Variants in JMJD1C observed in about 807,000 individuals in gnomAD.
JMJD1C encodes jumonji domain containing 1C.
JMJD1C carries 31 observed loss-of-function variants against 245.3 expected under a neutral mutation model. The observed-to-expected ratio is 0.13, with a 90% CI of 0.09 to 0.17. The LOEUF (loss-of-function observed/expected upper bound fraction) is 0.17. Among genes scored for constraint, JMJD1C ranks in the 10% least tolerant of loss-of-function variants. JMJD1C has a pLI of 1.00. For synonymous variants in JMJD1C, 1,057 were observed against 1,017.4 expected, an observed-to-expected ratio of 1.04 and a Z score of -0.74; for missense variants, 2,691 against 3,000.2, an observed-to-expected ratio of 0.90 and a Z score of 2.41.
At chr10:63,399,351 C>A (rs771618622) in intron 1 of JMJD1C, among the ~76,000 whole-genome samples, 2 of 152,074 alleles carry the variant, frequency 1.3e-5, no homozygotes, top group African/African-American at 2.4e-5. Flanking sequence ...TCCAAGGAAC[C>A]CTGGTACTTT....
At chr10:63,335,169 G>A (rs918967624) in intron 2 of JMJD1C, among the ~76,000 whole-genome samples, 1 of 152,012 alleles carries the variant, frequency 6.6e-6, no homozygotes, top group African/African-American at 2.4e-5. Context: ...TCTGAATGTT[G>A]CTATCAGAGA....
At chr10:63,305,293 G>A (rs924664280) in intron 2 of JMJD1C, among the ~76,000 whole-genome samples, 4 of 150,958 alleles carry the variant, frequency 2.6e-5, no homozygotes, top group South Asian at 2.1e-4. Context: ...GCTTGAACCC[G>A]GAAGGCAGAG....
At chr10:63,301,640 C>T (rs1860089306) in intron 2 of JMJD1C, 1 of 336,898 alleles carries the variant, frequency 3.0e-6, no homozygotes, top group Admixed American at 4.0e-5. Context: ...AAGGAAACAT[C>T]ACAGACCAGG....
chr10:63,238,006 TAAAAAAAAAAAAA>T lies in JMJD1C; in HGVS notation c.448-18036_448-18024del, dbSNP rs35736445. ...CAACACAGTGAAACCCCGTCTCTAC[TAAAAAAAAAAAAA>T]AAAAAAAAAAAAAAAGCCGGGTATG... On this transcript the variant is annotated intron_variant, in intron 3 of 25. Coordinates refer to ENST00000399262, the MANE Select transcript of JMJD1C (RefSeq NM_032776.3). Among the ~76,000 whole-genome samples, 5 of 27,602 alleles carry T rather than the reference TAAAAAAAAAAAAA, an allele frequency of 1.8e-4. No individual in the cohort carries two copies. The East Asian group carries it at 5.2e-3, about 29-fold the overall frequency. The allele number at this position is 27,602 out of a possible 152,430, so 18.1% of individuals were successfully genotyped here.
chr10:63,307,060 C>T (rs1938351511), intron 2 of JMJD1C, among the ~76,000 whole-genome samples: 1 of 152,090 alleles, frequency 6.6e-6, no homozygotes, highest in Non-Finnish European at 1.5e-5. Flanking sequence ...ACTTCTTAAA[C>T]ATTTATCTCA....
intron 1 of JMJD1C, among the ~76,000 whole-genome samples, chr10:63,510,320 C>A (rs1165269654): frequency 6.6e-6 from 1 of 152,070 alleles, no homozygotes; most frequent in Non-Finnish European, 1.5e-5. Context: ...GATCTTTCAT[C>A]TTTTCTAATA....
Position 63,178,311 on chromosome 10 carries a change from A to T in JMJD1C, c.7085-455T>A, listed in dbSNP as rs184497082. 3.9e-3 allele frequency among the ~76,000 whole-genome samples: 601 copies of T among 152,322 alleles called. 1 individual carries two copies. Among genetic ancestry groups the T allele is most frequent in the African/African-American group, 0.011 (454 of 41,554 alleles). On this transcript the variant is annotated intron_variant, in intron 22 of 25. Coordinates refer to ENST00000399262, the MANE Select transcript of JMJD1C (RefSeq NM_032776.3). ...AACTTTTAGGACTACAAGAATAGAT[A>T]AGTGGATACAAAGCAATAGTGATTT...
intron 2 of JMJD1C, among the ~76,000 whole-genome samples, chr10:63,265,431 T>C (rs1564706748): frequency 6.6e-6 from 1 of 152,128 alleles, no homozygotes; most frequent in Non-Finnish European, 1.5e-5. Context: ...TCCAAGGTCA[T>C]TTGATTCCTT....
upstream of JMJD1C, among the ~76,000 whole-genome samples, chr10:63,467,803 GA>G (rs1411694984): frequency 6.6e-6 from 1 of 152,210 alleles, no homozygotes; most frequent in Non-Finnish European, 1.5e-5. Context: ...AGTCATCAAT[GA>G]TCTGCTTTGT....
intron 2 of JMJD1C, among the ~76,000 whole-genome samples, chr10:63,323,636 C>A (rs1304319503): frequency 6.6e-6 from 1 of 152,096 alleles, no homozygotes; most frequent in Non-Finnish European, 1.5e-5. Flanking sequence ...AGGCCAGGTA[C>A]ATAAAACTAA....
At chr10:63,517,848 A>G (rs1955071173) in intron 1 of JMJD1C, among the ~76,000 whole-genome samples, 2 of 133,622 alleles carry the variant, frequency 1.5e-5, no homozygotes, top group Non-Finnish European at 3.1e-5. Flanking sequence ...GCTGGAGTGC[A>G]GTGGTGCAAT....
chr10:63,407,734 AAG>A (rs1949251328), intron 1 of JMJD1C, among the ~76,000 whole-genome samples: 1 of 152,024 alleles, frequency 6.6e-6, no homozygotes, highest in South Asian at 2.1e-4. Context: ...TAAAAAAAAA[AAG>A]AATATTCTGA....
intron 1 of JMJD1C, among the ~76,000 whole-genome samples, chr10:63,430,581 TG>T (rs1358215575): frequency 3.9e-5 from 6 of 152,288 alleles, no homozygotes; most frequent in African/African-American, 1.4e-4. Flanking sequence ...GCCAAAGGGC[TG>T]GAAGTGGCAG....
chr10:63,201,788 G>T (rs1293121210), intron 10 of JMJD1C, among the ~76,000 whole-genome samples: 1 of 152,018 alleles, frequency 6.6e-6, no homozygotes, highest in Non-Finnish European at 1.5e-5. Flanking sequence ...AAATTAGCCT[G>T]GCATGGTGGC....
chr10:63,488,957 C>T (rs570520668), intron 1 of JMJD1C, among the ~76,000 whole-genome samples: 8 of 152,248 alleles, frequency 5.3e-5, no homozygotes, highest in Middle Eastern at 3.4e-3. Context: ...GCATATAGGA[C>T]GATGGTCCCA....
intron 3 of JMJD1C, among the ~76,000 whole-genome samples, chr10:63,243,363 C>A (rs1185973965): frequency 6.6e-6 from 1 of 151,508 alleles, no homozygotes; most frequent in Admixed American, 6.6e-5. Flanking sequence ...CCCATCTCTA[C>A]CAAAAATACA....
At chr10:63,363,363 AT>A (rs1421585869) in intron 2 of JMJD1C, among the ~76,000 whole-genome samples, 3 of 149,986 alleles carry the variant, frequency 2.0e-5, no homozygotes, top group Non-Finnish European at 4.4e-5. Flanking sequence ...GGTTCAAGCA[AT>A]TCTCTTGCCT....
At chr10:63,410,514 C>A (rs935865988) in intron 1 of JMJD1C, among the ~76,000 whole-genome samples, 2 of 152,100 alleles carry the variant, frequency 1.3e-5, no homozygotes, top group Admixed American at 1.3e-4. Flanking sequence ...ATATGAAGAA[C>A]TGGAAAAACC....
chr10:63,246,635 G>A (rs1852237730), intron 3 of JMJD1C, among the ~76,000 whole-genome samples: 1 of 151,440 alleles, frequency 6.6e-6, no homozygotes, highest in African/African-American at 2.4e-5. Flanking sequence ...GTACAAAAAA[G>A]AAAATATTTA....
Sources: allele counts gnomAD v4.1 joint callset (sites outside exome capture counted in the v4.1 genomes callset), GRCh38; gene constraint gnomAD v4.1.1; transcripts MANE v1.5; gene names NCBI Gene and HGNC (gene_info 2026-07-23, HGNC 2026-07-21).